Variants in ETNK1 observed in about 807,000 individuals in gnomAD.
The protein encoded by ETNK1 is ethanolamine kinase 1, also known as putative protein product of Nbla10396.
ETNK1 carries 8 observed loss-of-function variants against 45.1 expected under a neutral mutation model. That is an observed-to-expected ratio of 0.18 (90% CI 0.10 to 0.32). The LOEUF (loss-of-function observed/expected upper bound fraction) is 0.32. Among genes scored for constraint, ETNK1 ranks in the 10% least tolerant of loss-of-function variants. The pLI, the probability that ETNK1 is intolerant of heterozygous loss-of-function variation, is 1.00. For synonymous variants in ETNK1, 152 were observed against 151.9 expected (o/e 1.00, Z -0.01); for missense variants, 302 against 430.6 (o/e 0.70, Z 2.64).
intron 4 of ETNK1, among the ~76,000 whole-genome samples, chr12:22,662,242 ATTTTTT>A (rs774396641): frequency 1.1e-4 from 8 of 73,432 alleles, no homozygotes; most frequent in African/African-American, 2.6e-4. Context: ...TAATTTTTGT[ATTTTTT>A]TTTTTTTTTT....
chr12:22,644,002 C>G lies in ETNK1; in HGVS notation c.396C>G (p.Val132=), dbSNP rs201608129. Residue 132 remains valine (V), a synonymous_variant, in exon 2 of 8, where the codon GTC becomes GTG. Coordinates refer to ENST00000266517, the MANE Select transcript of ETNK1 (RefSeq NM_018638.5). ...GAGAAGCACTGGATCCAAAGCATGT[C>G]TGCAACCCAGCCATTTTCAGGTACA... ...IQGEALDPKH[V]CNPAIFRLIA... 4.7e-5 allele frequency: 75 copies of G among 1,596,044 alleles called. No homozygotes were observed. The Admixed American group carries it at 9.8e-4, about 21-fold the overall frequency.
chr12:22,646,858 A>G (rs1437319184), intron 2 of ETNK1, among the ~76,000 whole-genome samples: 1 of 151,906 alleles, frequency 6.6e-6, no homozygotes, highest in African/African-American at 2.4e-5. Context: ...ACAGTTTGTG[A>G]CACAGTAACC....
chr12:22,662,242 A>ATTTTTTT (rs774396641), intron 4 of ETNK1, among the ~76,000 whole-genome samples: 12 of 73,384 alleles, frequency 1.6e-4, no homozygotes, highest in Non-Finnish European at 2.8e-4. Context: ...TAATTTTTGT[A>ATTTTTTT]TTTTTTTTTT....
chr12:22,684,565 A>G lies in ETNK1; in HGVS notation c.1019+9A>G, dbSNP rs758136155. The G allele has an allele frequency of 7.7e-6, 12 of 1,556,684 alleles. No individual in the cohort carries two copies. The South Asian group carries it at 1.1e-4, about 15-fold the overall frequency. Reference sequence around the variant, plus strand: ...GAGTTTGATTTCCTTGGGTAAGTTAAATTTTATTATATGATTACATTGGTC... The same window carrying G: ...GAGTTTGATTTCCTTGGGTAAGTTAGATTTTATTATATGATTACATTGGTC... On this transcript the variant is annotated intron_variant, in intron 7 of 7. Transcript: ENST00000266517.
chr12:22,686,644 C>T lies in ETNK1; in HGVS notation c.*1690C>T, dbSNP rs754014240. 1 of 152,008 alleles carries T rather than the reference C, an allele frequency of 6.6e-6. No individual in the cohort carries two copies. Among genetic ancestry groups the T allele is most frequent in the African/African-American group, 2.4e-5 (1 of 41,360 alleles). 9.4% of individuals were successfully genotyped at this position (152,008 alleles called of 1,614,324 possible). Reference sequence around the variant, plus strand: ...TAGACCAGATTTGGTTTCTACCTCCCCAATGTTATAAATGTTCACTTTTGT... The same window carrying T: ...TAGACCAGATTTGGTTTCTACCTCCTCAATGTTATAAATGTTCACTTTTGT... On this transcript the variant is annotated 3_prime_UTR_variant, in exon 8 of 8. Coordinates refer to ENST00000266517, the MANE Select transcript of ETNK1 (RefSeq NM_018638.5).
chr12:22,640,054 T>G (rs1416643257), intron 1 of ETNK1, among the ~76,000 whole-genome samples: 1 of 152,182 alleles, frequency 6.6e-6, no homozygotes, highest in Non-Finnish European at 1.5e-5. Context: ...TTCATCAATA[T>G]TAAGCAATTA....
intron 4 of ETNK1, among the ~76,000 whole-genome samples, chr12:22,668,775 G>A (rs778033671): frequency 1.3e-5 from 2 of 151,922 alleles, no homozygotes; most frequent in Non-Finnish European, 2.9e-5. Context: ...ACTCAACATA[G>A]CATTTAAAAA....
chr12:22,657,292 A>C (rs530390186), intron 2 of ETNK1, among the ~76,000 whole-genome samples: 58 of 152,356 alleles, frequency 3.8e-4, no homozygotes, highest in Admixed American at 6.5e-4. Context: ...GTACACATAT[A>C]TAAAAAGGTT....
intron 1 of ETNK1, among the ~76,000 whole-genome samples, chr12:22,641,743 A>G (rs1262917558): frequency 6.6e-6 from 1 of 152,188 alleles, no homozygotes; most frequent in Non-Finnish European, 1.5e-5. Flanking sequence ...AGACAAATAA[A>G]TATTTATACA....
At chr12:22,657,665 G>A (rs1953958984) in intron 2 of ETNK1, among the ~76,000 whole-genome samples, 1 of 152,122 alleles carries the variant, frequency 6.6e-6, no homozygotes, top group Admixed American at 6.5e-5. Context: ...TTAAGTCTCT[G>A]GCTTAGCTTG....
At chr12:22,683,065 A>C (rs1171527185) in intron 6 of ETNK1, among the ~76,000 whole-genome samples, 4 of 152,226 alleles carry the variant, frequency 2.6e-5, no homozygotes, top group African/African-American at 7.2e-5. Flanking sequence ...TATGCCAGCT[A>C]TAGGTACTAT....
At chr12:22,658,518 G>A (rs1953967186) in intron 2 of ETNK1, among the ~76,000 whole-genome samples, 1 of 152,138 alleles carries the variant, frequency 6.6e-6, no homozygotes, top group Non-Finnish European at 1.5e-5. Context: ...ATTACTCAGT[G>A]ATACTTGTTA....
rs1954264103 is a variant in ETNK1 at position 22,686,851 on chromosome 12, A to ATG, written c.*1898_*1899insGT. On this transcript the variant is annotated 3_prime_UTR_variant, in exon 8 of 8. Coordinates refer to ENST00000266517, the MANE Select transcript of ETNK1 (RefSeq NM_018638.5). ...AGATAAAGAATGTGTAATACTCTTA[A>ATG]TTTTTTTTTTTTTTTTTTTTTTTTT... 1.4e-5 allele frequency: 1 copy of ATG among 69,262 alleles called. No homozygotes were observed. The highest frequency in any genetic ancestry group is 3.5e-4 in the East Asian group (1 of 2,830). The allele number at this position is 69,262 out of a possible 1,614,324, so 4.3% of individuals were successfully genotyped here.
rs1197524561 is a variant in ETNK1, at chr12:22,689,355, T to TA, written c.*4402dup. The TA allele has an allele frequency of 6.6e-6, 1 of 152,006 alleles. No individual in the cohort carries two copies. Among genetic ancestry groups the TA allele is most frequent in the African/African-American group, 2.4e-5 (1 of 41,444 alleles). The allele number at this position is 152,006 out of a possible 1,614,324, so 9.4% of individuals were successfully genotyped here. On this transcript the variant is annotated 3_prime_UTR_variant, in exon 8 of 8. Transcript: ENST00000266517. ...TCTATACTTTATGCACTTACTATAC[T>TA]ACTGATGTAATAAAAGAGCAGGGTT...
rs745405516 is a variant in ETNK1, at chr12:22,625,530, C to A, written c.100C>A (p.Leu34Met). 6.2e-7 allele frequency: 1 copy of A among 1,605,808 alleles called. No homozygotes were observed. Among genetic ancestry groups the A allele is most frequent in the Non-Finnish European group, 8.5e-7 (1 of 1,176,708 alleles). ...GGAGCATCGCTGCCGGGAGGGGGCC[C>A]TGAGCCTCCTGCAACACCTGCGGCC... ...QEEHRCREGA[L>M]SLLQHLRPHW... The change falls in exon 1 of 8, where the codon CTG (leucine) becomes ATG (methionine). Residue 34 changes from leucine to methionine, a missense_variant. Transcript: ENST00000266517.
chr12:22,664,014 T>C (rs1054424606), intron 4 of ETNK1, among the ~76,000 whole-genome samples: 1 of 152,026 alleles, frequency 6.6e-6, no homozygotes, highest in Non-Finnish European at 1.5e-5. Context: ...AACTAAAGTA[T>C]GACAAGAAGC....
In ETNK1 at chr12:22,625,533, A is replaced by C. The variant is rs779909625; in HGVS notation, c.103A>C (p.Ser35Arg). The change falls in exon 1 of 8, where the codon AGC becomes CGC. Residue 35 changes from serine to arginine, a missense_variant. Coordinates refer to ENST00000266517, the MANE Select transcript of ETNK1 (RefSeq NM_018638.5). ...EEHRCREGAL[S>R]LLQHLRPHWD... ...GCATCGCTGCCGGGAGGGGGCCCTG[A>C]GCCTCCTGCAACACCTGCGGCCTCA... 14 of 1,605,510 alleles carry C rather than the reference A, an allele frequency of 8.7e-6. No individual in the cohort carries two copies. The highest frequency in any genetic ancestry group is 1.2e-5 in the Non-Finnish European group (14 of 1,176,668).
At chr12:22,656,374 G>C in intron 2 of ETNK1, 1 of 983,300 alleles carries the variant, frequency 1.0e-6, no homozygotes, top group Non-Finnish European at 1.2e-6. Flanking sequence ...CTTTATCCGT[G>C]TGATGTGCAG....
intron 6 of ETNK1, among the ~76,000 whole-genome samples, chr12:22,676,395 A>T (rs936792966): frequency 6.6e-6 from 1 of 151,998 alleles, no homozygotes; most frequent in Non-Finnish European, 1.5e-5. Flanking sequence ...CATTTTCTTT[A>T]TCCAATCTAT....
Sources: gnomAD v4.1 joint callset for allele counts (sites outside exome capture counted in the v4.1 genomes callset) on GRCh38, gnomAD v4.1.1 for gene constraint, MANE v1.5 for transcripts, NCBI Gene and HGNC (gene_info 2026-07-23, HGNC 2026-07-21) for gene names.